Variants in RAP2B observed in about 807,000 individuals in gnomAD.
The protein encoded by RAP2B is RAP2B, member of RAS oncogene family.
RAP2B carries 6 observed loss-of-function variants against 14.4 expected under a neutral mutation model. That is an observed-to-expected ratio of 0.42 (90% CI 0.23 to 0.82). RAP2B has a LOEUF of 0.82. Ranked by LOEUF, RAP2B falls within the 40% of genes least tolerant of loss-of-function variation. RAP2B has a pLI of 0.30. For synonymous variants in RAP2B, 118 were observed against 113.2 expected (o/e 1.04, Z -0.27); for missense variants, 137 against 248.2 (o/e 0.55, Z 3.01).
Position 153,166,729 on chromosome 3 carries a change from T to A in RAP2B, c.*3484T>A, listed in dbSNP as rs1232809997. On this transcript the variant is annotated 3_prime_UTR_variant, in exon 1 of 1. Transcript: ENST00000323534. ...GTTAACTGTTGTAGACTTAATTGAATCACATTTTGGGACCAGATGTATTTG... is the reference window on the plus strand; with the variant it reads ...GTTAACTGTTGTAGACTTAATTGAAACACATTTTGGGACCAGATGTATTTG... The A allele has an allele frequency of 6.0e-6, 1 of 166,978 alleles. No homozygotes were observed. The highest frequency in any genetic ancestry group is 1.5e-5 in the Non-Finnish European group (1 of 68,118). The allele number at this position is 166,978 out of a possible 1,614,324, so 10.3% of individuals were successfully genotyped here. A position where few individuals can be genotyped will look rare whatever the true frequency, so the allele number is the denominator to read the frequency against.
In RAP2B at chr3:153,165,784, G is replaced by T. The variant is rs1713559294; in HGVS notation, c.*2539G>T. On this transcript the variant is annotated 3_prime_UTR_variant, in exon 1 of 1. Transcript: ENST00000323534. ...AATATCCTAAATGTAGAAATTAAAA[G>T]ATACTGTATAATTTTATGCCTTTGC... 1 of 166,884 alleles carries T rather than the reference G, an allele frequency of 6.0e-6. No individual in the cohort carries two copies. The highest frequency in any genetic ancestry group is 1.5e-5 in the Non-Finnish European group (1 of 68,086). The allele number at this position is 166,884 out of a possible 1,614,324, so 10.3% of individuals were successfully genotyped here.
In RAP2B at chr3:153,166,402, TAAAG is replaced by T. The variant is rs1041345426; in HGVS notation, c.*3158_*3161del. On this transcript the variant is annotated 3_prime_UTR_variant, in exon 1 of 1. Transcript: ENST00000323534. ...TTTGTTTCAATGAAAAAGTTAGTGTTAAAGGAAGTGAGTCAGGGAGGGCGGAGTT... is the reference window on the plus strand; with the variant it reads ...TTTGTTTCAATGAAAAAGTTAGTGTTGAAGTGAGTCAGGGAGGGCGGAGTT... 3 of 167,016 alleles carry T rather than the reference TAAAG, an allele frequency of 1.8e-5. No homozygotes were observed. Among genetic ancestry groups the T allele is most frequent in the African/African-American group, 7.2e-5 (3 of 41,436 alleles). The allele number at this position is 167,016 out of a possible 1,614,324, so 10.3% of individuals were successfully genotyped here. A position where few individuals can be genotyped will look rare whatever the true frequency, so the allele number is the denominator to read the frequency against.
chr3:153,163,648 T>C lies in RAP2B; in HGVS notation c.*403T>C, dbSNP rs1487782616. The C allele has an allele frequency of 1.2e-5, 2 of 165,926 alleles. No individual in the cohort carries two copies. The highest frequency in any genetic ancestry group is 2.8e-5 in the Non-Finnish European group (2 of 71,910). 10.3% of individuals were successfully genotyped at this position (165,926 alleles called of 1,614,324 possible). Reference sequence around the variant, plus strand: ...AAGGTGGAAATGGTTTTTTTTTTTTTTTTTCTATTTTCTTTCTTTTTTTTT... The same window carrying C: ...AAGGTGGAAATGGTTTTTTTTTTTTCTTTTCTATTTTCTTTCTTTTTTTTT... On this transcript the variant is annotated 3_prime_UTR_variant, in exon 1 of 1. Coordinates refer to ENST00000323534, the MANE Select transcript of RAP2B (RefSeq NM_002886.4).
rs1251036800 is a variant in RAP2B at position 153,167,934 on chromosome 3, A to G, written c.*4689A>G. On this transcript the variant is annotated 3_prime_UTR_variant, in exon 1 of 1. Coordinates refer to ENST00000323534, the MANE Select transcript of RAP2B (RefSeq NM_002886.4). The stretch of plus-strand genomic sequence containing the variant: ...TTCTCTTCAACATTAAAAAACAAAG[A>G]TTTTAAGTTTTCATGGCAAGGGTTC... The G allele has an allele frequency of 3.6e-5, 6 of 167,050 alleles. No individual in the cohort carries two copies. Among genetic ancestry groups the G allele is most frequent in the Non-Finnish European group, 8.8e-5 (6 of 68,112 alleles). The allele number at this position is 167,050 out of a possible 1,614,324, so 10.3% of individuals were successfully genotyped here.
rs1293819288 is a variant in RAP2B at position 153,168,979 on chromosome 3, C to G, written c.*5734C>G. The stretch of plus-strand genomic sequence containing the variant: ...ATGGACTAATACTTGATTTTGTGAA[C>G]CTGTTTTAATTTTAGGGTTATATTT... On this transcript the variant is annotated 3_prime_UTR_variant, in exon 1 of 1. Coordinates refer to ENST00000323534, the MANE Select transcript of RAP2B (RefSeq NM_002886.4). 5 of 151,962 alleles carry G rather than the reference C, an allele frequency of 3.3e-5. No individual in the cohort carries two copies. The allele number at this position is 151,962 out of a possible 1,614,324, so 9.4% of individuals were successfully genotyped here. A position where few individuals can be genotyped will look rare whatever the true frequency, so the allele number is the denominator to read the frequency against.
rs1181983469 is a variant in RAP2B, at chr3:153,167,418, C to T, written c.*4173C>T. The T allele has an allele frequency of 1.8e-5, 3 of 166,978 alleles. No homozygotes were observed. Among genetic ancestry groups the T allele is most frequent in the Non-Finnish European group, 4.4e-5 (3 of 68,106 alleles). 10.3% of individuals were successfully genotyped at this position (166,978 alleles called of 1,614,324 possible). ...CTCCAGTTTCTTACCCAGTGGGTCT[C>T]GGGTAGGGTCTCAATTTTCATTTCT... On this transcript the variant is annotated 3_prime_UTR_variant, in exon 1 of 1. Coordinates refer to ENST00000323534, the MANE Select transcript of RAP2B (RefSeq NM_002886.4).
rs765777605 is a variant in RAP2B, at chr3:153,162,994, A to G, written c.301A>G (p.Ile101Val). ...QDIKPMRDQI[I>V]RVKRYERVPM... The stretch of plus-strand genomic sequence containing the variant: ...CATCAAGCCCATGCGGGACCAGATC[A>G]TCCGCGTGAAGCGGTACGAGCGCGT... Residue 101 changes from isoleucine to valine, a missense_variant, in exon 1 of 1, where the codon ATC becomes GTC. Around this residue, in one of 2 missense-constraint regions of RAP2B, gnomAD observed 106 missense variants for 143.5 expected, o/e 0.74. Transcript: ENST00000323534. This position sits in a 1 kb window ranked among gnomAD's most constrained non-coding sequence, Gnocchi z 4.9. 1 of 1,614,152 alleles carries G rather than the reference A, an allele frequency of 6.2e-7. No homozygotes were observed. Among genetic ancestry groups the G allele is most frequent in the African/African-American group, 1.3e-5 (1 of 75,054 alleles).
chr3:153,164,845 A>T lies in RAP2B; in HGVS notation c.*1600A>T, dbSNP rs191014097. 4.2e-3 allele frequency: 703 copies of T among 167,220 alleles called. 3 individuals carry two copies. Among genetic ancestry groups the T allele is most frequent in the Non-Finnish European group, 7.4e-3 (503 of 68,112 alleles). The allele number at this position is 167,220 out of a possible 1,614,324, so 10.4% of individuals were successfully genotyped here. ...CAGAGCTATTTGTGAAATTTTAAAG[A>T]CAGAAGTGTCTCAGTGACAAGTTGG... On this transcript the variant is annotated 3_prime_UTR_variant, in exon 1 of 1. Coordinates refer to ENST00000323534, the MANE Select transcript of RAP2B (RefSeq NM_002886.4).
rs894932551 is a variant in RAP2B at position 153,162,519 on chromosome 3, C to T, written c.-175C>T. The T allele has an allele frequency of 1.9e-5, 14 of 718,646 alleles. No individual in the cohort carries two copies. Among genetic ancestry groups the T allele is most frequent in the Admixed American group, 1.2e-4 (3 of 25,850 alleles). The allele number at this position is 718,646 out of a possible 1,614,324, so 44.5% of individuals were successfully genotyped here. On this transcript the variant is annotated 5_prime_UTR_variant, in exon 1 of 1. Transcript: ENST00000323534. This position sits in a 1 kb window ranked among gnomAD's most constrained non-coding sequence, Gnocchi z 4.9. ...ACGCTGCCGCCGCCGCCGGCCGGCC[C>T]GGCGCCCGGCCTCCGTTCGGTGGTT...
At position 153,163,921 on chromosome 3, in the gene RAP2B, G is replaced by A. The variant is rs1367600587; in HGVS notation, c.*676G>A. 2.4e-5 allele frequency: 4 copies of A among 166,948 alleles called. No homozygotes were observed. Among genetic ancestry groups the A allele is most frequent in the African/African-American group, 9.7e-5 (4 of 41,392 alleles). 10.3% of individuals were successfully genotyped at this position (166,948 alleles called of 1,614,324 possible). A position where few individuals can be genotyped will look rare whatever the true frequency, so the allele number is the denominator to read the frequency against. ...CTTGTTACAGTGTATCCAATCTGAA[G>A]TATTGCACATCTGAACTGGGACTGT... is the stretch of plus-strand genomic sequence containing the variant. On this transcript the variant is annotated 3_prime_UTR_variant, in exon 1 of 1. Coordinates refer to ENST00000323534, the MANE Select transcript of RAP2B (RefSeq NM_002886.4).
In RAP2B at chr3:153,163,016, G is replaced by A. The variant is rs1344681735; in HGVS notation, c.323G>A (p.Arg108His). 1 of 1,614,060 alleles carries A rather than the reference G, an allele frequency of 6.2e-7. No homozygotes were observed. Among genetic ancestry groups the A allele is most frequent in the African/African-American group, 1.3e-5 (1 of 74,938 alleles). The stretch of plus-strand genomic sequence containing the variant: ...ATCATCCGCGTGAAGCGGTACGAGC[G>A]CGTGCCCATGATCCTGGTGGGCAAC... ...DQIIRVKRYE[R>H]VPMILVGNKV... The change falls in exon 1 of 1, where the codon CGC becomes CAC. Residue 108 changes from arginine (R) to histidine (H), a missense_variant. Coordinates refer to ENST00000323534, the MANE Select transcript of RAP2B (RefSeq NM_002886.4).
In RAP2B at chr3:153,163,242, C is replaced by G. The variant is rs770707657; in HGVS notation, c.549C>G (p.Leu183=). The G allele has an allele frequency of 6.5e-7, 1 of 1,537,556 alleles. No homozygotes were observed. Among genetic ancestry groups the G allele is most frequent in the South Asian group, 1.2e-5 (1 of 81,028 alleles). The stretch of plus-strand genomic sequence containing the variant: ...GCTGCTGCTCGGCCTGCGTGATCCT[C>G]TGAGGCGGCCACCGCGCGCCGGCCG... ...DEGCCSACVI[L] Residue 183 remains leucine (L), a synonymous_variant, in exon 1 of 1, where the codon CTC becomes CTG. Coordinates refer to ENST00000323534, the MANE Select transcript of RAP2B (RefSeq NM_002886.4).
chr3:153,162,573 T>C lies in RAP2B; in HGVS notation c.-121T>C. ...GCCCTGCGTTCTCTGGGTTGCTCTC[T>C]CCTGGGTTTTTCCTGCGTAGCTGAG... On this transcript the variant is annotated 5_prime_UTR_variant, in exon 1 of 1. Coordinates refer to ENST00000323534, the MANE Select transcript of RAP2B (RefSeq NM_002886.4). This position sits in a 1 kb window ranked among gnomAD's most constrained non-coding sequence, Gnocchi z 4.9. 1 of 1,241,656 alleles carries C rather than the reference T, an allele frequency of 8.1e-7. No homozygotes were observed. The allele number at this position is 1,241,656 out of a possible 1,614,324, so 76.9% of individuals were successfully genotyped here. A position where few individuals can be genotyped will look rare whatever the true frequency, so the allele number is the denominator to read the frequency against.
rs1176958355 is a variant in RAP2B, at chr3:153,166,296, T to C, written c.*3051T>C. On this transcript the variant is annotated 3_prime_UTR_variant, in exon 1 of 1. Transcript: ENST00000323534. ...ATTAGGAACACTGCTATTTTTTTCT[T>C]AAAAATGTTTTTAAGAATATGTTCG... 1 of 166,946 alleles carries C rather than the reference T, an allele frequency of 6.0e-6. No individual in the cohort carries two copies. The highest frequency in any genetic ancestry group is 2.4e-5 in the African/African-American group (1 of 41,478). 10.3% of individuals were successfully genotyped at this position (166,946 alleles called of 1,614,324 possible).
chr3:153,165,804 C>T lies in RAP2B; in HGVS notation c.*2559C>T, dbSNP rs1312744075. The T allele has an allele frequency of 1.2e-5, 2 of 166,866 alleles. No individual in the cohort carries two copies. The highest frequency in any genetic ancestry group is 3.8e-4 in the East Asian group (2 of 5,198). 10.3% of individuals were successfully genotyped at this position (166,866 alleles called of 1,614,324 possible). On this transcript the variant is annotated 3_prime_UTR_variant, in exon 1 of 1. Coordinates refer to ENST00000323534, the MANE Select transcript of RAP2B (RefSeq NM_002886.4). Reference sequence around the variant, plus strand: ...TAAAAGATACTGTATAATTTTATGCCTTTGCAAAGATTCGTTCTTGTATTT... The same window carrying T: ...TAAAAGATACTGTATAATTTTATGCTTTTGCAAAGATTCGTTCTTGTATTT...
Position 153,162,982 on chromosome 3 carries a change from C to T in RAP2B, c.289C>T (p.Arg97Trp). The change falls in exon 1 of 1, where the codon CGG becomes TGG. Residue 97 changes from arginine to tryptophan, a missense_variant. By Grantham distance (101) the Arg-to-Trp change is moderately radical. Around this residue, in one of 2 missense-constraint regions of RAP2B, gnomAD observed 106 missense variants for 143.5 expected, o/e 0.74. Coordinates refer to ENST00000323534, the MANE Select transcript of RAP2B (RefSeq NM_002886.4). The surrounding 1 kb of genome is among the most constrained non-coding windows in gnomAD (Gnocchi z 4.9). The stretch of plus-strand genomic sequence containing the variant: ...GAGCTTCCAGGACATCAAGCCCATG[C>T]GGGACCAGATCATCCGCGTGAAGCG... ...QQSFQDIKPM[R>W]DQIIRVKRYE... The T allele has an allele frequency of 6.2e-7, 1 of 1,614,148 alleles. No individual in the cohort carries two copies. Among genetic ancestry groups the T allele is most frequent in the Non-Finnish European group, 8.5e-7 (1 of 1,180,030 alleles).
Position 153,166,005 on chromosome 3 carries a change from A to G in RAP2B, c.*2760A>G, listed in dbSNP as rs1001112304. ...ATGCTGCCAAGTATCTAAGAAATGT[A>G]TATACTGACAGAAGATATTTGAAAG... On this transcript the variant is annotated 3_prime_UTR_variant, in exon 1 of 1. Coordinates refer to ENST00000323534, the MANE Select transcript of RAP2B (RefSeq NM_002886.4). 6.0e-6 allele frequency: 1 copy of G among 167,012 alleles called. No individual in the cohort carries two copies. The highest frequency in any genetic ancestry group is 1.5e-5 in the Non-Finnish European group (1 of 68,100). 10.3% of individuals were successfully genotyped at this position (167,012 alleles called of 1,614,324 possible). A position where few individuals can be genotyped will look rare whatever the true frequency, so the allele number is the denominator to read the frequency against.
In RAP2B at chr3:153,168,978, A is replaced by G. The variant is rs1328564777; in HGVS notation, c.*5733A>G. ...TATGGACTAATACTTGATTTTGTGA[A>G]CCTGTTTTAATTTTAGGGTTATATT... is the stretch of plus-strand genomic sequence containing the variant. On this transcript the variant is annotated 3_prime_UTR_variant, in exon 1 of 1. Coordinates refer to ENST00000323534, the MANE Select transcript of RAP2B (RefSeq NM_002886.4). 1 of 152,094 alleles carries G rather than the reference A, an allele frequency of 6.6e-6. No homozygotes were observed. The highest frequency in any genetic ancestry group is 1.5e-5 in the Non-Finnish European group (1 of 68,016). The allele number at this position is 152,094 out of a possible 1,614,324, so 9.4% of individuals were successfully genotyped here.
In RAP2B at chr3:153,164,538, G is replaced by C. The variant is rs1713513679; in HGVS notation, c.*1293G>C. 6.0e-6 allele frequency: 1 copy of C among 166,528 alleles called. No individual in the cohort carries two copies. The highest frequency in any genetic ancestry group is 2.4e-5 in the African/African-American group (1 of 41,252). 10.3% of individuals were successfully genotyped at this position (166,528 alleles called of 1,614,324 possible). ...TTTTGTTTAAATTTTCAGGTATTTAGCTCCCCTTTCATATTATTTTTAAAT... is the reference window on the plus strand; with the variant it reads ...TTTTGTTTAAATTTTCAGGTATTTACCTCCCCTTTCATATTATTTTTAAAT... On this transcript the variant is annotated 3_prime_UTR_variant, in exon 1 of 1. Coordinates refer to ENST00000323534, the MANE Select transcript of RAP2B (RefSeq NM_002886.4).
Sources: gnomAD v4.1 joint callset for allele counts on GRCh38, gnomAD v4.1.1 for gene constraint, gnomAD v4.1.1 regional missense constraint, Gnocchi (gnomAD v3.1) non-coding constraint, MANE v1.5 for transcripts, NCBI Gene and HGNC (gene_info 2026-07-23, HGNC 2026-07-21) for gene names.